The following TFCP2 variants were observed in gnomAD, a reference collection of about 807,000 sequenced individuals.
The protein encoded by TFCP2 is alpha-globin transcription factor CP2.
TFCP2 carries 33 observed loss-of-function variants against 73.4 expected under a neutral mutation model. The ratio of observed to expected loss-of-function variants is 0.45; its 90% confidence interval spans 0.34 to 0.60. The LOEUF (loss-of-function observed/expected upper bound fraction) is 0.60. TFCP2 is among the 20% of genes least tolerant of loss of function. TFCP2 has a pLI of 0.01. For synonymous variants in TFCP2, 193 were observed against 211.6 expected, an observed-to-expected ratio of 0.91 and a Z score of 0.76; for missense variants, 352 against 604.0, an observed-to-expected ratio of 0.58 and a Z score of 4.37.
rs2137058054 is a variant in TFCP2, at chr12:51,172,742, T to G, written c.-320A>C. Reference sequence around the variant, plus strand: ...CCCGCACTCCCACTCCTCTTGAGAGTTCGTAGTGGTGGCTTGCTGCTTCCC... The same window carrying G: ...CCCGCACTCCCACTCCTCTTGAGAGGTCGTAGTGGTGGCTTGCTGCTTCCC... On this transcript the variant is annotated 5_prime_UTR_variant, in exon 1 of 15. Coordinates refer to ENST00000257915, the MANE Select transcript of TFCP2 (RefSeq NM_005653.5). The G allele has an allele frequency of 4.6e-6, 1 of 219,600 alleles. No individual in the cohort carries two copies. The highest frequency in any genetic ancestry group is 9.3e-6 in the Non-Finnish European group (1 of 108,004). The allele number at this position is 219,600 out of a possible 1,614,324, so 13.6% of individuals were successfully genotyped here. A position where few individuals can be genotyped will look rare whatever the true frequency, so the allele number is the denominator to read the frequency against.
At chr12:51,132,252 C>T (rs930922321) in intron 1 of TFCP2, among the ~76,000 whole-genome samples, 8 of 151,846 alleles carry the variant, frequency 5.3e-5, no homozygotes, top group South Asian at 2.1e-4. Flanking sequence ...TGTATTCACA[C>T]CCTTTCGCAG....
chr12:51,136,247 T>C (rs1941057841), intron 1 of TFCP2, among the ~76,000 whole-genome samples: 1 of 150,778 alleles, frequency 6.6e-6, no homozygotes, highest in Admixed American at 6.6e-5. Context: ...AGGTGGAGGT[T>C]GCAGTGAGCT....
chr12:51,099,906 T>A (rs1431293522), intron 11 of TFCP2, 127 bp from the exon 12 acceptor site: 1 of 1,161,032 alleles, frequency 8.6e-7, no homozygotes, highest in African/African-American at 1.6e-5. Context: ...ATTGGCCAAA[T>A]GCAATTAATT....
intron 1 of TFCP2, among the ~76,000 whole-genome samples, chr12:51,128,762 C>A (rs1187399048): frequency 6.6e-6 from 1 of 152,152 alleles, no homozygotes; most frequent in Non-Finnish European, 1.5e-5. Context: ...TAGTATGCAA[C>A]AGGGGCCCAG....
intron 1 of TFCP2, among the ~76,000 whole-genome samples, chr12:51,134,533 G>A (rs753851799): frequency 3.9e-5 from 6 of 152,102 alleles, no homozygotes; most frequent in Admixed American, 1.3e-4. Flanking sequence ...CGATCCGCCA[G>A]CCTCAGCCTC....
intron 14 of TFCP2, 100 bp downstream of exon 14, chr12:51,095,889 A>G: frequency 2.4e-6 from 2 of 827,148 alleles, no homozygotes; most frequent in South Asian, 2.1e-5. Flanking sequence ...TTACCCAAAT[A>G]TGGTTACTTT....
chr12:51,152,096 C>T (rs6580794), intron 1 of TFCP2, among the ~76,000 whole-genome samples: 13,446 of 152,138 alleles, frequency 0.088, 638 homozygotes, highest in Middle Eastern at 0.11. Context: ...TTACAAAAGG[C>T]AAATGAATAA....
intron 4 of TFCP2, among the ~76,000 whole-genome samples, chr12:51,113,092 G>A (rs568967367): frequency 6.7e-6 from 1 of 150,240 alleles, no homozygotes. Context: ...TCAGAACTGT[G>A]GTATTAACTA....
chr12:51,097,926 G>T (rs970499553), intron 13 of TFCP2, among the ~76,000 whole-genome samples: 1 of 151,850 alleles, frequency 6.6e-6, no homozygotes, highest in African/African-American at 2.4e-5. Flanking sequence ...TGAGGCAGGA[G>T]AATTGCTTGA....
At chr12:51,157,032 T>G (rs2137036941) in intron 1 of TFCP2, 1 of 126,312 alleles carries the variant, frequency 7.9e-6, no homozygotes, top group South Asian at 2.5e-4. Flanking sequence ...TTTTTTTTTT[T>G]GAGATAGAGT....
chr12:51,133,366 G>A (rs1362240406), intron 1 of TFCP2, among the ~76,000 whole-genome samples: 2 of 151,444 alleles, frequency 1.3e-5, no homozygotes, highest in African/African-American at 2.4e-5. Flanking sequence ...GTACAGTGGC[G>A]TAATCACCAC....
At chr12:51,100,506 C>T (rs2136960780) in intron 11 of TFCP2, among the ~76,000 whole-genome samples, 1 of 152,312 alleles carries the variant, frequency 6.6e-6, no homozygotes, top group Non-Finnish European at 1.5e-5. Context: ...GATTCAACAT[C>T]CCTTATGATG....
chr12:51,118,600 A>C (rs1940589781), intron 2 of TFCP2, 21 bp downstream of exon 2: 1 of 1,611,980 alleles, frequency 6.2e-7, no homozygotes. Flanking sequence ...AATAGTACTA[A>C]TGAATGAGGA....
chr12:51,095,813 CAAAAA>C (rs34105291), intron 14 of TFCP2, among the ~76,000 whole-genome samples, 171 bp downstream of exon 14: 2 of 84,178 alleles, frequency 2.4e-5, no homozygotes, highest in Middle Eastern at 6.9e-3. Flanking sequence ...GACTCTGTTT[CAAAAA>C]AAAAAAAAAA....
chr12:51,111,215 C>T (rs1387640659), intron 4 of TFCP2, among the ~76,000 whole-genome samples: 1 of 151,944 alleles, frequency 6.6e-6, no homozygotes, highest in African/African-American at 2.4e-5. Context: ...ACCATCTCAG[C>T]TCACTGCAAC....
At chr12:51,161,956 A>G (rs1160160974) in intron 1 of TFCP2, among the ~76,000 whole-genome samples, 2 of 151,592 alleles carry the variant, frequency 1.3e-5, no homozygotes, top group African/African-American at 4.8e-5. Flanking sequence ...CAAGTAAGGA[A>G]TATCAATAAA....
rs761715540 is a variant in TFCP2, at chr12:51,110,895, C to A, written c.546G>T (p.Arg182Ser). 2.5e-6 allele frequency: 4 copies of A among 1,613,380 alleles called. No individual in the cohort carries two copies. The highest frequency in any genetic ancestry group is 3.4e-6 in the Non-Finnish European group (4 of 1,179,500). Residue 182 changes from arginine (R) to serine (S), a missense_variant, in exon 5 of 15, where the codon AGG becomes AGT. Physicochemically the swap from Arg to Ser is moderately radical, Grantham distance 110. Around this residue, in one of 6 missense-constraint regions of TFCP2, gnomAD observed 31 missense variants for 43.7 expected, o/e 0.71. Transcript: ENST00000257915. ...TVEFLWDPAK[R>S]TSVFIQVHCI... ...GCCTTACCTGAATAAACACAGATGT[C>A]CTCTTTGCAGGGTCCCACAGGAACT... is the stretch of plus-strand genomic sequence containing the variant.
intron 1 of TFCP2, among the ~76,000 whole-genome samples, chr12:51,131,406 T>A (rs1431719863): frequency 2.0e-5 from 3 of 151,814 alleles, no homozygotes; most frequent in Non-Finnish European, 4.4e-5. Flanking sequence ...CTAGGCATAC[T>A]AAATCTTCTG....
At chr12:51,165,670 C>G (rs1239090615) in intron 1 of TFCP2, among the ~76,000 whole-genome samples, 8 of 152,104 alleles carry the variant, frequency 5.3e-5, no homozygotes, top group Non-Finnish European at 1.2e-4. Flanking sequence ...GTTCTGAAGA[C>G]AGATCATGGT....
Sources: allele counts gnomAD v4.1 joint callset (sites outside exome capture counted in the v4.1 genomes callset), GRCh38; gene constraint gnomAD v4.1.1; regional missense constraint gnomAD v4.1.1; transcripts MANE v1.5; gene names NCBI Gene and HGNC (gene_info 2026-07-23, HGNC 2026-07-21).